RILPL1: variants seen among roughly 807,000 people sequenced by gnomAD.
RILPL1 encodes the protein RILP-like protein 1.
A neutral mutation model predicts 50.3 loss-of-function variants in RILPL1; 33 were observed. The observed-to-expected ratio is 0.66, with a 90% CI of 0.50 to 0.88. RILPL1 has a LOEUF of 0.88. Ranked by LOEUF, RILPL1 falls within the 40% of genes least tolerant of loss-of-function variation. The pLI is 0.00. For missense variants in RILPL1, 418 were observed against 542.5 expected (o/e 0.77, Z 2.28); for synonymous variants, 205 against 228.6 (o/e 0.90, Z 0.93).
chr12:123,517,425 T>G (rs940162753), intron 2 of RILPL1, among the ~76,000 whole-genome samples: 3 of 44,814 alleles, frequency 6.7e-5, no homozygotes, highest in African/African-American at 2.0e-4. Context: ...GTTGTTATTG[T>G]TTTTTTTTTT....
chr12:123,504,832 C>T (rs1361301590), intron 2 of RILPL1, among the ~76,000 whole-genome samples: 1 of 152,076 alleles, frequency 6.6e-6, no homozygotes, highest in Non-Finnish European at 1.5e-5. Context: ...TTTCTGACTC[C>T]AGATCCCGTG....
At chr12:123,523,230 C>T (rs2139385629) in intron 2 of RILPL1, among the ~76,000 whole-genome samples, 1 of 152,288 alleles carries the variant, frequency 6.6e-6, no homozygotes, top group South Asian at 2.1e-4. Context: ...AACACATATC[C>T]CAGGGCCAAG....
intron 2 of RILPL1, among the ~76,000 whole-genome samples, chr12:123,505,920 T>C (rs1883719382): frequency 6.6e-6 from 1 of 152,218 alleles, no homozygotes; most frequent in Non-Finnish European, 1.5e-5. Flanking sequence ...CCACCACACC[T>C]GGCCATCAAG....
intron 2 of RILPL1, among the ~76,000 whole-genome samples, chr12:123,510,891 CTGTG>C (rs533089329): frequency 5.3e-5 from 6 of 112,204 alleles, no homozygotes; most frequent in African/African-American, 1.4e-4. Flanking sequence ...TGTGTGAGGT[CTGTG>C]TGTGTGTGTA....
In RILPL1 at chr12:123,499,870, C is replaced by T. The variant is rs568585503; in HGVS notation, c.461-334G>A. On this transcript the variant is annotated intron_variant, in intron 2 of 6. Coordinates refer to ENST00000376874, the MANE Select transcript of RILPL1 (RefSeq NM_178314.5). ...CTCCCTTCCTCTGACCACTCAGTGA[C>T]AGCCTCTACCTCCCCCACACCTCAT... 2.6e-5 allele frequency among the ~76,000 whole-genome samples: 4 copies of T among 152,212 alleles called. No homozygotes were observed. The East Asian group carries it at 5.8e-4, about 22-fold the overall frequency.
At chr12:123,484,984 A>ACAGT in intron 5 of RILPL1, 1 of 368,036 alleles carries the variant, frequency 2.7e-6, no homozygotes, top group Non-Finnish European at 5.5e-6. Context: ...CATCCAGTAT[A>ACAGT]CAGTCAGTAA....
intron 4 of RILPL1, among the ~76,000 whole-genome samples, chr12:123,497,788 T>C (rs1345004631): frequency 6.6e-6 from 1 of 152,096 alleles, no homozygotes; most frequent in Non-Finnish European, 1.5e-5. Context: ...CAAGTGATCT[T>C]CTTGATCCCC....
intron 2 of RILPL1, among the ~76,000 whole-genome samples, chr12:123,518,787 G>T (rs191479378): frequency 6.6e-6 from 1 of 151,916 alleles, no homozygotes; most frequent in Non-Finnish European, 1.5e-5. Flanking sequence ...GGCCGGGCGC[G>T]GTGGCTCATG....
chr12:123,522,940 T>C lies in RILPL1; in HGVS notation c.460+555A>G, dbSNP rs1437430176. Among the ~76,000 whole-genome samples the C allele has an allele frequency of 6.6e-6, 1 of 152,104 alleles. No homozygotes were observed. Among genetic ancestry groups the C allele is most frequent in the African/African-American group, 2.4e-5 (1 of 41,418 alleles). Reference sequence around the variant, plus strand: ...CCCAAATGCTCATGTCCCAGGGCCTTTGCATGACTGCCCCTGCAACCCCCG... The same window carrying C: ...CCCAAATGCTCATGTCCCAGGGCCTCTGCATGACTGCCCCTGCAACCCCCG... On this transcript the variant is annotated intron_variant, in intron 2 of 6. Transcript: ENST00000376874. The surrounding 1 kb of genome is among the most constrained non-coding windows in gnomAD (Gnocchi z 4.0).
chr12:123,477,337 C>CTTTTTTTTTTTTTTTTTT (rs371346379), intron 6 of RILPL1, among the ~76,000 whole-genome samples: 1 of 105,378 alleles, frequency 9.5e-6, no homozygotes, highest in African/African-American at 3.2e-5. Flanking sequence ...TTCTTTCTTT[C>CTTTTTTTTTTTTTTTTTT]TTTTTTTTTT....
chr12:123,489,067 C>T lies in RILPL1; in HGVS notation c.802-3262G>A, dbSNP rs1386580509. 2.0e-5 allele frequency among the ~76,000 whole-genome samples: 3 copies of T among 152,134 alleles called. No individual in the cohort carries two copies. The highest frequency in any genetic ancestry group is 1.9e-4 in the East Asian group (1 of 5,200). On this transcript the variant is annotated intron_variant, in intron 4 of 6. Transcript: ENST00000376874. This position sits in a 1 kb window ranked among gnomAD's most constrained non-coding sequence, Gnocchi z 4.0. ...CGGATATGCGGCCGGCATTCAATCG[C>T]GCCAGTTCTCCTCTTTCCCTGGCCC... is the stretch of plus-strand genomic sequence containing the variant.
At chr12:123,480,917 G>A (rs1399046063) in intron 6 of RILPL1, among the ~76,000 whole-genome samples, 3 of 152,160 alleles carry the variant, frequency 2.0e-5, no homozygotes. Context: ...TCAAGGGTGA[G>A]GAGTCACAGA....
intron 4 of RILPL1, among the ~76,000 whole-genome samples, chr12:123,492,840 G>T (rs1359782231): frequency 6.9e-6 from 1 of 143,976 alleles, no homozygotes; most frequent in Admixed American, 6.8e-5. Context: ...GGCGGTGCAA[G>T]ATGTGCTTTG....
At chr12:123,482,742 C>T (rs1227818765) in intron 6 of RILPL1, among the ~76,000 whole-genome samples, 1 of 151,772 alleles carries the variant, frequency 6.6e-6, no homozygotes, top group Non-Finnish European at 1.5e-5. Context: ...CTTCAGCCTC[C>T]CAAGTAGCTG....
intron 1 of RILPL1, among the ~76,000 whole-genome samples, chr12:123,528,618 G>A (rs186162497): frequency 0.028 from 4,190 of 151,712 alleles, 73 homozygotes; most frequent in Middle Eastern, 0.048. Flanking sequence ...TAGTAGAGAC[G>A]GGGTTTCACC....
intron 4 of RILPL1, among the ~76,000 whole-genome samples, chr12:123,496,539 C>G (rs1228831840): frequency 6.6e-6 from 1 of 152,200 alleles, no homozygotes; most frequent in Non-Finnish European, 1.5e-5. Context: ...TAAACATCTG[C>G]TGGGAGAAAA....
chr12:123,520,687 A>G (rs1051399862), intron 2 of RILPL1, among the ~76,000 whole-genome samples: 4 of 152,194 alleles, frequency 2.6e-5, no homozygotes, highest in Non-Finnish European at 5.9e-5. Context: ...CTAATGTCCA[A>G]GTCACCGCGG....
At position 123,484,259 on chromosome 12, in the gene RILPL1, C is replaced by T. The variant is rs1158148342; in HGVS notation, c.988G>A (p.Glu330Lys). The change falls in exon 6 of 7, where the codon GAG becomes AAG. Residue 330 changes from glutamate to lysine, a missense_variant. Physicochemically the swap from Glu to Lys is moderately conservative, Grantham distance 56. Transcript: ENST00000376874. ...GGGGGTTGGGGTATTCGGTTTTCCT[C>T]TTCCATTTCTTCACTGGAAGGAGAT... Reference protein sequence around the residue: ...LAYYKSEEMEEENRIPQPPPI... With the variant: ...LAYYKSEEMEKENRIPQPPPI... 3 of 1,607,574 alleles carry T rather than the reference C, an allele frequency of 1.9e-6. No individual in the cohort carries two copies. Among genetic ancestry groups the T allele is most frequent in the Non-Finnish European group, 1.7e-6 (2 of 1,174,082 alleles).
intron 2 of RILPL1, among the ~76,000 whole-genome samples, chr12:123,511,964 CTGTG>C (rs1219459223): frequency 7.5e-5 from 4 of 53,260 alleles, no homozygotes; most frequent in African/African-American, 4.0e-4. Flanking sequence ...GGTGTGAGAT[CTGTG>C]TGTGTGTGAG....
Sources: gnomAD v4.1 joint callset for allele counts (sites outside exome capture counted in the v4.1 genomes callset) on GRCh38, gnomAD v4.1.1 for gene constraint, Gnocchi (gnomAD v3.1) non-coding constraint, MANE v1.5 for transcripts, NCBI Gene and HGNC (gene_info 2026-07-23, HGNC 2026-07-21) for gene names.